CERS1: variants seen among roughly 807,000 people sequenced by gnomAD.
CERS1 encodes Embryonic growth/differentiation factor 1.
A neutral mutation model predicts 35.7 loss-of-function variants in CERS1; 16 were observed. The ratio of observed to expected loss-of-function variants is 0.45; its 90% confidence interval spans 0.30 to 0.68. The LOEUF (loss-of-function observed/expected upper bound fraction) is 0.68, where lower values mean the gene tolerates loss of function less well. Among genes scored for constraint, CERS1 ranks in the 30% least tolerant of loss-of-function variants. CERS1 has a pLI of 0.08. For synonymous variants in CERS1, 243 were observed against 201.6 expected (o/e 1.21, Z -1.74); for missense variants, 454 against 453.9 (o/e 1.00, Z 0.00).
At chr19:18,894,458 C>T (rs2056575805) in intron 1 of CERS1, among the ~76,000 whole-genome samples, 2 of 152,264 alleles carry the variant, frequency 1.3e-5, no homozygotes, top group South Asian at 4.1e-4. Flanking sequence ...GCCCCTCCAC[C>T]CATTTCTGAG....
chr19:18,869,935 CG>C (rs1159811979), intron 7 of CERS1, 47 bp downstream of exon 7: 1 of 1,525,868 alleles, frequency 6.6e-7, no homozygotes, highest in Non-Finnish European at 8.9e-7. Flanking sequence ...GCTCGCCCTG[CG>C]AGGTCTGGCC....
chr19:18,884,612 T>TCC (rs2056304135), intron 2 of CERS1, among the ~76,000 whole-genome samples: 2 of 151,920 alleles, frequency 1.3e-5, no homozygotes, highest in South Asian at 4.2e-4. Context: ...TTTCACTGTG[T>TCC]TACCCAGGAT....
Position 18,878,913 on chromosome 19 carries a change from G to T in CERS1, c.1010+17C>A. ...ACTAAAGGAGGGAACGCGGGGTGCG[G>T]GCCCCTCCACACTCACTCGGCTTTG... On this transcript the variant is annotated intron_variant, in intron 6 of 7. Coordinates refer to ENST00000623882, the MANE Select transcript of CERS1 (RefSeq NM_021267.5). This position sits in a 1 kb window ranked among gnomAD's most constrained non-coding sequence, Gnocchi z 4.6. The T allele has an allele frequency of 6.2e-7, 1 of 1,612,738 alleles. No homozygotes were observed. The highest frequency in any genetic ancestry group is 1.1e-5 in the South Asian group (1 of 90,932).
At position 18,895,417 on chromosome 19, in the gene CERS1, G is replaced by C. The variant is rs996030251; in HGVS notation, c.249+407C>G. Among the ~76,000 whole-genome samples the C allele has an allele frequency of 6.6e-6, 1 of 152,106 alleles. No individual in the cohort carries two copies. Among genetic ancestry groups the C allele is most frequent in the Non-Finnish European group, 1.5e-5 (1 of 68,006 alleles). On this transcript the variant is annotated intron_variant, in intron 1 of 7. Transcript: ENST00000623882. This position sits in a 1 kb window ranked among gnomAD's most constrained non-coding sequence, Gnocchi z 6.4. ...TCCTGGGCTTCTCAGTGTCTGGCTC[G>C]GCCCTGCCGGAAAGAGCGCGCGGTG...
intron 6 of CERS1, among the ~76,000 whole-genome samples, chr19:18,874,431 A>G (rs553071088): frequency 1.3e-5 from 2 of 152,308 alleles, no homozygotes; most frequent in African/African-American, 4.8e-5. Flanking sequence ...GGCCTCCCAA[A>G]GTGCTGGGAT....
chr19:18,879,627 G>C (rs1183010136), intron 4 of CERS1, among the ~76,000 whole-genome samples: 10 of 29,848 alleles, frequency 3.4e-4, no homozygotes, highest in East Asian at 2.9e-3. Context: ...CACCCACCTC[G>C]CCAAGGCCCC....
rs182639961 is a variant in CERS1, at chr19:18,885,925, G to A, written c.410-1658C>T. 3.8e-3 allele frequency among the ~76,000 whole-genome samples: 583 copies of A among 152,086 alleles called. 4 individuals carry two copies. The highest frequency in any genetic ancestry group is 6.8e-3 in the Non-Finnish European group (460 of 68,010). On this transcript the variant is annotated intron_variant, in intron 2 of 7. Coordinates refer to ENST00000623882, the MANE Select transcript of CERS1 (RefSeq NM_021267.5). ...TGCCCACGGAGTCTTGCCATGCCCGGGCACACCATGCCACCAAGCGCAGGG... is the reference window on the plus strand; with the variant it reads ...TGCCCACGGAGTCTTGCCATGCCCGAGCACACCATGCCACCAAGCGCAGGG...
chr19:18,889,621 C>T (rs1484439732), intron 2 of CERS1, among the ~76,000 whole-genome samples: 5 of 152,148 alleles, frequency 3.3e-5, no homozygotes, highest in South Asian at 2.1e-4. Context: ...GTAGAGATGG[C>T]GTCTCACTAT....
In CERS1 at chr19:18,896,146, A is replaced by C; in HGVS notation, c.-74T>G. The C allele has an allele frequency of 1.8e-6, 1 of 556,330 alleles. No individual in the cohort carries two copies. The highest frequency in any genetic ancestry group is 2.3e-6 in the Non-Finnish European group (1 of 442,626). 34.5% of individuals were successfully genotyped at this position (556,330 alleles called of 1,614,324 possible). ...CCGACGGAGCCGCGCGCCCCGCGTC[A>C]CGCGCCGCAGCTGGGCCGGGGGCGC... On this transcript the variant is annotated 5_prime_UTR_variant, in exon 1 of 8. Transcript: ENST00000623882. This position sits in a 1 kb window ranked among gnomAD's most constrained non-coding sequence, Gnocchi z 5.9.
intron 2 of CERS1, among the ~76,000 whole-genome samples, chr19:18,890,253 C>T (rs867054341): frequency 6.6e-6 from 1 of 152,198 alleles, no homozygotes; most frequent in Admixed American, 6.5e-5. Context: ...CCCTCCCCAC[C>T]TCCCCAACAC....
chr19:18,895,974 C>G lies in CERS1; in HGVS notation c.99G>C (p.Ala33=). 9.5e-7 allele frequency: 1 copy of G among 1,054,776 alleles called. No individual in the cohort carries two copies. The highest frequency in any genetic ancestry group is 3.4e-5 in the South Asian group (1 of 29,176). The allele number at this position is 1,054,776 out of a possible 1,614,324, so 65.3% of individuals were successfully genotyped here. The change falls in exon 1 of 8, where the codon GCG becomes GCC. Residue 33 remains alanine, a synonymous_variant. Coordinates refer to ENST00000623882, the MANE Select transcript of CERS1 (RefSeq NM_021267.5). This position sits in a 1 kb window ranked among gnomAD's most constrained non-coding sequence, Gnocchi z 6.4. The part of the protein sequence containing the change: ...VQRGWGSALA[A]ARGCTDCGWG... ...AGCCGCAGTCCGTGCAGCCCCGCGCCGCCGCCAGCGCGCTGCCCCAGCCGC... is the reference window on the plus strand; with the variant it reads ...AGCCGCAGTCCGTGCAGCCCCGCGCGGCCGCCAGCGCGCTGCCCCAGCCGC...
chr19:18,883,437 G>C (rs1406920059), intron 3 of CERS1: 1 of 152,244 alleles, frequency 6.6e-6, no homozygotes, highest in Non-Finnish European at 1.5e-5. Flanking sequence ...GGGAGCTGAG[G>C]TGGGAGGATC....
chr19:18,880,142 C>T (rs2056166202), intron 4 of CERS1, 132 bp downstream of exon 4: 1 of 933,600 alleles, frequency 1.1e-6, no homozygotes, highest in Non-Finnish European at 1.6e-6. Flanking sequence ...TCATGAGGCC[C>T]CTCCCCTGTC....
intron 6 of CERS1, among the ~76,000 whole-genome samples, chr19:18,876,046 A>G (rs760529604): frequency 2.6e-5 from 4 of 152,148 alleles, no homozygotes; most frequent in African/African-American, 9.7e-5. Context: ...GTAACATTCA[A>G]TGCCTTTTTT....
At chr19:18,875,386 T>C (rs1437094053) in intron 6 of CERS1, among the ~76,000 whole-genome samples, 1 of 151,244 alleles carries the variant, frequency 6.6e-6, no homozygotes, top group Non-Finnish European at 1.5e-5. Flanking sequence ...TTTGTAAAAA[T>C]ACAAAAATTA....
rs150044084 is a variant in CERS1, at chr19:18,871,340, C to A, written c.1011-721G>T. 6.9e-3 allele frequency among the ~76,000 whole-genome samples: 1,051 copies of A among 151,624 alleles called. 7 individuals carry two copies. Among genetic ancestry groups the A allele is most frequent in the South Asian group, 0.025 (121 of 4,798 alleles). ...CTCCTGAGTTCAAGCGATTCTCCTG[C>A]CTCAGCCTCCTGAGTAGTGTGGTGG... On this transcript the variant is annotated intron_variant, in intron 6 of 7. Transcript: ENST00000623882.
intron 3 of CERS1, among the ~76,000 whole-genome samples, chr19:18,882,827 G>A (rs1327814044): frequency 6.6e-6 from 1 of 151,744 alleles, no homozygotes; most frequent in African/African-American, 2.4e-5. Flanking sequence ...TGAGTAGCTG[G>A]GACTACAGGC....
In CERS1 at chr19:18,870,257, C is replaced by A; in HGVS notation, c.*320G>T. ...GGGGCAGCGAGGGCAGCAGCAGGGC[C>A]AGGAGGAGGAGGAGGTGGTGGCCGC... is the stretch of plus-strand genomic sequence containing the variant. On this transcript the variant is annotated 3_prime_UTR_variant, in exon 7 of 8. Transcript: ENST00000623882. This position sits in a 1 kb window ranked among gnomAD's most constrained non-coding sequence, Gnocchi z 5.1. 1 of 1,551,656 alleles carries A rather than the reference C, an allele frequency of 6.4e-7. No individual in the cohort carries two copies.
At chr19:18,879,469 C>T in intron 4 of CERS1, 81 bp from the exon 5 acceptor site, 1 of 1,484,048 alleles carries the variant, frequency 6.7e-7, no homozygotes, top group Non-Finnish European at 9.0e-7. Context: ...GTCCTAGACC[C>T]ACCCTTGCCC....
Sources: allele counts gnomAD v4.1 joint callset (sites outside exome capture counted in the v4.1 genomes callset), GRCh38; gene constraint gnomAD v4.1.1; non-coding constraint Gnocchi (gnomAD v3.1); transcripts MANE v1.5; gene names NCBI Gene and HGNC (gene_info 2026-07-23, HGNC 2026-07-21).